The following ATG4A variants were observed in gnomAD, a reference collection of about 807,000 sequenced individuals.
The protein encoded by ATG4A is cysteine protease ATG4A.
In ATG4A, 22 loss-of-function variants were observed where a neutral mutation model predicts 38.4. That is an observed-to-expected ratio of 0.57 (90% CI 0.41 to 0.82). The LOEUF (loss-of-function observed/expected upper bound fraction) is 0.82. Among genes scored for constraint, ATG4A ranks in the 40% least tolerant of loss-of-function variants. The probability of loss-of-function intolerance (pLI) is 0.00; values close to 1 mark genes in which losing one functional copy is unlikely to be tolerated. For missense variants in ATG4A, 220 were observed against 290.0 expected, an observed-to-expected ratio of 0.76 and a Z score of 1.75; for synonymous variants, 86 against 100.7, an observed-to-expected ratio of 0.85 and a Z score of 0.88.
chrX:108,108,279 G>A (rs1435967996), intron 1 of ATG4A, among the ~76,000 whole-genome samples: 6 of 102,832 alleles, frequency 5.8e-5, no homozygotes, highest in Non-Finnish European at 9.8e-5. Flanking sequence ...ATTGTTACTT[G>A]GGTCTTGAGA....
chrX:108,132,400 TA>T lies in ATG4A; in HGVS notation c.292+1043del, dbSNP rs1211289508. Among the ~76,000 whole-genome samples the T allele has an allele frequency of 1.3e-4, 15 of 111,770 alleles. No individual in the cohort carries two copies. In the Admixed American group the frequency reaches 1.4e-3, roughly 11 times the overall value. ...GCTGTTGCTAATTGAGGTTCAGAAG[TA>T]TAGAAACATCGTTTTCCTTTTCCCA... On this transcript the variant is annotated intron_variant, in intron 4 of 12. Coordinates refer to ENST00000372232, the MANE Select transcript of ATG4A (RefSeq NM_052936.5).
intron 1 of ATG4A, among the ~76,000 whole-genome samples, chrX:108,119,970 A>G (rs1227708375): frequency 2.7e-5 from 3 of 112,018 alleles, no homozygotes; most frequent in Non-Finnish European, 3.8e-5. Flanking sequence ...AACCCACTGC[A>G]TGGCTTGGCA....
chrX:108,125,598 T>TA (rs2032775963), intron 1 of ATG4A, among the ~76,000 whole-genome samples: 1 of 112,008 alleles, frequency 8.9e-6, no homozygotes, highest in Non-Finnish European at 1.9e-5. Context: ...GCTAAAATAT[T>TA]ACCATATACA....
chrX:108,120,698 T>C (rs748748035), intron 1 of ATG4A, among the ~76,000 whole-genome samples: 12 of 112,135 alleles, frequency 1.1e-4, no homozygotes, highest in African/African-American at 3.2e-4. Context: ...TGATTAATTT[T>C]TCTAGCTGAA....
intron 9 of ATG4A, among the ~76,000 whole-genome samples, chrX:108,146,917 CAAT>C (rs1242919027): frequency 8.9e-6 from 1 of 112,302 alleles, no homozygotes; most frequent in Non-Finnish European, 1.9e-5. Context: ...GGGCCCAAAT[CAAT>C]AAATTCAGCC....
intron 9 of ATG4A, among the ~76,000 whole-genome samples, chrX:108,141,626 A>G (rs1010879040): frequency 9.1e-6 from 1 of 110,221 alleles, no homozygotes; most frequent in African/African-American, 3.3e-5. Flanking sequence ...CTGGCCTTCA[A>G]ATTTTGCCTG....
intron 1 of ATG4A, among the ~76,000 whole-genome samples, chrX:108,121,217 G>T (rs1368413276): frequency 9.0e-6 from 1 of 111,471 alleles, no homozygotes; most frequent in Non-Finnish European, 1.9e-5. Flanking sequence ...GGAGGAAGGG[G>T]ATGAAAGCAT....
At chrX:108,116,756 C>T (rs1014750335) in intron 1 of ATG4A, among the ~76,000 whole-genome samples, 2 of 111,772 alleles carry the variant, frequency 1.8e-5, no homozygotes, top group African/African-American at 6.5e-5. Flanking sequence ...TCCTCTCCAG[C>T]CTCAACCCTT....
intron 11 of ATG4A, among the ~76,000 whole-genome samples, 172 bp from the exon 12 acceptor site, chrX:108,152,807 A>G (rs1241860070): frequency 9.0e-6 from 1 of 111,473 alleles, no homozygotes; most frequent in Non-Finnish European, 1.9e-5. Context: ...AGTATCTAGA[A>G]TTGAAGATGG....
intron 9 of ATG4A, among the ~76,000 whole-genome samples, chrX:108,147,714 T>C (rs1287578930): frequency 9.0e-6 from 1 of 110,976 alleles, no homozygotes; most frequent in Non-Finnish European, 1.9e-5. Context: ...GTTTTCCACG[T>C]ATGGTCAATT....
chrX:108,099,278 C>T (rs1332506593), intron 1 of ATG4A, among the ~76,000 whole-genome samples: 2 of 110,950 alleles, frequency 1.8e-5, no homozygotes, highest in Admixed American at 1.9e-4. Context: ...GTTTATTTGT[C>T]ATCCCCATAT....
At chrX:108,101,566 T>C (rs2032016017) in intron 1 of ATG4A, among the ~76,000 whole-genome samples, 1 of 109,774 alleles carries the variant, frequency 9.1e-6, no homozygotes, top group Admixed American at 9.9e-5. Flanking sequence ...GCATGTCATG[T>C]ATTTTTTTTA....
In ATG4A at chrX:108,129,561, TTTTC is replaced by T. The variant is rs2032893548; in HGVS notation, c.193+717_193+720del. On this transcript the variant is annotated intron_variant, in intron 3 of 12. Coordinates refer to ENST00000372232, the MANE Select transcript of ATG4A (RefSeq NM_052936.5). The stretch of plus-strand genomic sequence containing the variant: ...AAAATGAAGGTCACACAGACTTTTC[TTTTC>T]TTTCTTTTTTTTTTTTTTTTTTTGA... Among the ~76,000 whole-genome samples the T allele has an allele frequency of 1.4e-4, 15 of 110,174 alleles. No homozygotes were observed. The South Asian group carries it at 5.4e-3, about 39-fold the overall frequency.
chrX:108,153,889 A>C lies in ATG4A; in HGVS notation c.*177A>C. ...CAGAAAAACAAAACAAAACAAAACA[A>C]ATGACAGTAACCCTTCCCCGGAAAG... On this transcript the variant is annotated 3_prime_UTR_variant, in exon 13 of 13. Transcript: ENST00000372232. The C allele has an allele frequency of 5.0e-6, 2 of 397,041 alleles. No individual in the cohort carries two copies. Among genetic ancestry groups the C allele is most frequent in the Non-Finnish European group, 4.4e-6 (1 of 228,090 alleles). The allele number at this position is 397,041 out of a possible 1,213,427, so 32.7% of individuals were successfully genotyped here.
chrX:108,098,028 G>A, intron 1 of ATG4A, among the ~76,000 whole-genome samples: 1 of 111,538 alleles, frequency 9.0e-6, no homozygotes, highest in South Asian at 3.8e-4. Flanking sequence ...TTGTTACATA[G>A]GTATACATGT....
At chrX:108,105,569 G>T (rs1050608591) in intron 1 of ATG4A, among the ~76,000 whole-genome samples, 1 of 110,966 alleles carries the variant, frequency 9.0e-6, no homozygotes, top group African/African-American at 3.3e-5. Context: ...TCAAAATGCT[G>T]ATGAATATTC....
chrX:108,126,186 A>G lies in ATG4A; in HGVS notation c.120A>G (p.Thr40=). ...TAGGGAAGCAGCATCTCCTTAAAAC[A>G]GGTAAGATTTGGTAGCATTTGTCTG... ...WILGKQHLLK[T]EKSKLLSDIS... is the part of the protein sequence containing the mutation. The change falls in exon 2 of 13, where the codon ACA becomes ACG. Residue 40 remains threonine, a splice_region_variant and synonymous_variant. Transcript: ENST00000372232. The G allele has an allele frequency of 8.4e-7, 1 of 1,186,721 alleles. No individual in the cohort carries two copies. Among genetic ancestry groups the G allele is most frequent in the Non-Finnish European group, 1.1e-6 (1 of 873,656 alleles).
At chrX:108,145,533 A>T (rs762284479) in intron 9 of ATG4A, among the ~76,000 whole-genome samples, 1 of 112,580 alleles carries the variant, frequency 8.9e-6, no homozygotes, top group South Asian at 3.7e-4. Flanking sequence ...AGCTTACAAT[A>T]ATCCACTGTC....
intron 1 of ATG4A, among the ~76,000 whole-genome samples, chrX:108,118,143 C>T (rs1326828193): frequency 8.9e-6 from 1 of 112,038 alleles, no homozygotes; most frequent in African/African-American, 3.2e-5. Context: ...ATGTTCTAAC[C>T]TCAGACTGTC....
Sources: gnomAD v4.1 joint callset for allele counts (sites outside exome capture counted in the v4.1 genomes callset) on GRCh38, gnomAD v4.1.1 for gene constraint, MANE v1.5 for transcripts, NCBI Gene and HGNC (gene_info 2026-07-23, HGNC 2026-07-21) for gene names.